The following TEK variants were observed in gnomAD, a reference collection of about 807,000 sequenced individuals.
The protein encoded by TEK is angiopoietin-1 receptor.
In TEK, 43 loss-of-function variants were observed where a neutral mutation model predicts 131.8. The observed-to-expected ratio is 0.33, with a 90% confidence interval of 0.26 to 0.42. The LOEUF (loss-of-function observed/expected upper bound fraction) is 0.42, where lower values mean the gene tolerates loss of function less well. TEK is among the 10% of genes least tolerant of loss of function. The pLI, the probability that TEK is intolerant of heterozygous loss-of-function variation, is 1.00. For missense variants in TEK, 1,162 were observed against 1,384.4 expected (o/e 0.84, Z 2.55); for synonymous variants, 580 against 491.6 (o/e 1.18, Z -2.38).
At chr9:27,209,019 T>C (rs895557429) in intron 15 of TEK, 102 bp from the exon 16 acceptor site, 4 of 766,400 alleles carry the variant, frequency 5.2e-6, no homozygotes, top group Non-Finnish European at 9.3e-6. Flanking sequence ...ATACAGTTGA[T>C]GGTGACTGAG....
At chr9:27,113,384 A>T (rs1821422861) in intron 1 of TEK, among the ~76,000 whole-genome samples, 2 of 152,050 alleles carry the variant, frequency 1.3e-5, no homozygotes, top group African/African-American at 4.8e-5. Flanking sequence ...AGGTCAAGAG[A>T]TCAAGACCAT....
intron 1 of TEK, among the ~76,000 whole-genome samples, chr9:27,135,053 T>G (rs1303468004): frequency 2.0e-5 from 3 of 152,080 alleles, no homozygotes; most frequent in Admixed American, 6.5e-5. Context: ...GGAGAAGTCC[T>G]GTCTCTACTA....
At chr9:27,212,483 G>C (rs1424600482) in intron 16 of TEK, among the ~76,000 whole-genome samples, 2 of 152,146 alleles carry the variant, frequency 1.3e-5, no homozygotes, top group Non-Finnish European at 2.9e-5. Flanking sequence ...GGAATGGAGA[G>C]GGGGTGGGAA....
intron 1 of TEK, among the ~76,000 whole-genome samples, chr9:27,133,330 T>C (rs1337686689): frequency 6.6e-6 from 1 of 152,212 alleles, no homozygotes; most frequent in Non-Finnish European, 1.5e-5. Context: ...TCTAAGAATT[T>C]CTGGCATCAA....
At chr9:27,178,251 T>C (rs1264655843) in intron 6 of TEK, among the ~76,000 whole-genome samples, 1 of 152,112 alleles carries the variant, frequency 6.6e-6, no homozygotes, top group Non-Finnish European at 1.5e-5. Context: ...TTCATACTTT[T>C]GTTGAATCTG....
intron 1 of TEK, among the ~76,000 whole-genome samples, chr9:27,123,493 A>G (rs1317059027): frequency 6.6e-6 from 1 of 152,192 alleles, no homozygotes; most frequent in East Asian, 1.9e-4. Context: ...AGGTATTTTC[A>G]TGGAGAGGCC....
chr9:27,168,627 T>A (rs1287743211), intron 3 of TEK, 22 bp downstream of exon 3: 2 of 1,487,422 alleles, frequency 1.3e-6, no homozygotes, highest in Non-Finnish European at 1.9e-6. Flanking sequence ...TTTCATTGCT[T>A]TCCCCAGTAT....
chr9:27,134,656 C>T (rs773074168), intron 1 of TEK, among the ~76,000 whole-genome samples: 3 of 152,152 alleles, frequency 2.0e-5, no homozygotes, highest in Non-Finnish European at 4.4e-5. Context: ...TGGCAAACTT[C>T]ATTTTCCAGT....
chr9:27,137,974 T>A (rs967602253), intron 1 of TEK, among the ~76,000 whole-genome samples: 1 of 152,108 alleles, frequency 6.6e-6, no homozygotes. Context: ...TTCCTTCCAG[T>A]GGGTTTGTGG....
chr9:27,148,684 T>G (rs533292789), intron 1 of TEK, among the ~76,000 whole-genome samples: 1 of 152,360 alleles, frequency 6.6e-6, no homozygotes, highest in East Asian at 1.9e-4. Flanking sequence ...ACTCCACTTC[T>G]TGATGGAATG....
intron 18 of TEK, 127 bp from the exon 19 acceptor site, chr9:27,217,561 G>T (rs1825863642): frequency 1.3e-6 from 1 of 790,644 alleles, no homozygotes. Context: ...CATGTAGCTG[G>T]GACATACACA....
At position 27,138,220 on chromosome 9, in the gene TEK, T is replaced by G. The variant is rs146873767; in HGVS notation, c.53-19611T>G. ...GCAAAAGAACAAAGATTCCACAGTG[T>G]GGAAGGGGATCTGAGCGGGTTGCCG... is the stretch of plus-strand genomic sequence containing the variant. On this transcript the variant is annotated intron_variant, in intron 1 of 22. Transcript: ENST00000380036. Among the ~76,000 whole-genome samples, 88 of 152,310 alleles carry G rather than the reference T, an allele frequency of 5.8e-4. 5 individuals are homozygous for G. In the East Asian group the frequency reaches 0.017, roughly 29 times the overall value.
chr9:27,197,548 A>C lies in TEK; in HGVS notation c.1858A>C (p.Lys620Gln), dbSNP rs1406046117. 1.2e-6 allele frequency: 2 copies of C among 1,613,954 alleles called. No homozygotes were observed. The highest frequency in any genetic ancestry group is 4.5e-5 in the East Asian group (2 of 44,858). The change falls in exon 12 of 23, where the codon AAG becomes CAG. Residue 620 changes from lysine to glutamine, a missense_variant. By Grantham distance (53) the Lys-to-Gln change is moderately conservative. Coordinates refer to ENST00000380036, the MANE Select transcript of TEK (RefSeq NM_000459.5). Reference sequence around the variant, plus strand: ...CGTGGTCCGAGCTAGAGTCAACACCAAGGCCCAGGGGGAATGGAGTGAAGA... The same window carrying C: ...CGTGGTCCGAGCTAGAGTCAACACCCAGGCCCAGGGGGAATGGAGTGAAGA... The part of the protein sequence containing the change: ...QYVVRARVNT[K>Q]AQGEWSEDLT...
At chr9:27,166,223 GTTA>G (rs1048792515) in intron 2 of TEK, among the ~76,000 whole-genome samples, 1 of 152,202 alleles carries the variant, frequency 6.6e-6, no homozygotes, top group Non-Finnish European at 1.5e-5. Context: ...AGAGAATTTT[GTTA>G]TTAACAGAGA....
chr9:27,156,319 G>A (rs975204041), intron 1 of TEK, among the ~76,000 whole-genome samples: 2 of 151,952 alleles, frequency 1.3e-5, no homozygotes, highest in African/African-American at 4.8e-5. Flanking sequence ...AGAACATTTG[G>A]AGTTTATCAT....
intron 21 of TEK, among the ~76,000 whole-genome samples, chr9:27,225,233 A>G (rs771538718): frequency 6.6e-6 from 1 of 152,222 alleles, no homozygotes; most frequent in Non-Finnish European, 1.5e-5. Context: ...GAATTAGATA[A>G]AACTGCTTTA....
chr9:27,191,089 G>T (rs1051625979), intron 10 of TEK, among the ~76,000 whole-genome samples: 3 of 152,124 alleles, frequency 2.0e-5, no homozygotes, highest in African/African-American at 7.2e-5. Flanking sequence ...CTAAATCCTG[G>T]GGGTGATTGT....
At chr9:27,147,422 A>T (rs1822971493) in intron 1 of TEK, among the ~76,000 whole-genome samples, 1 of 152,008 alleles carries the variant, frequency 6.6e-6, no homozygotes, top group South Asian at 2.1e-4. Flanking sequence ...CATTTAAAAA[A>T]ATTGAGTTGT....
intron 13 of TEK, 82 bp from the exon 14 acceptor site, chr9:27,204,829 C>A: frequency 3.8e-6 from 6 of 1,586,324 alleles, no homozygotes; most frequent in Non-Finnish European, 5.2e-6. Flanking sequence ...TCCCATTACA[C>A]TGTGTCTTCT....
Sources: allele counts gnomAD v4.1 joint callset (sites outside exome capture counted in the v4.1 genomes callset), GRCh38; gene constraint gnomAD v4.1.1; transcripts MANE v1.5; gene names NCBI Gene and HGNC (gene_info 2026-07-23, HGNC 2026-07-21).